Variants in DYNC2H1 observed in about 807,000 individuals in gnomAD.
The protein encoded by DYNC2H1 is cytoplasmic dynein 2 heavy chain 1.
A neutral mutation model predicts 570.0 loss-of-function variants in DYNC2H1; 410 were observed. The ratio of observed to expected loss-of-function variants is 0.72; its 90% CI spans 0.66 to 0.78. The LOEUF (loss-of-function observed/expected upper bound fraction) is 0.78, where lower values mean the gene tolerates loss of function less well. Among genes scored for constraint, DYNC2H1 ranks in the 30% least tolerant of loss-of-function variants. The probability of loss-of-function intolerance (pLI) is 0.00; values close to 1 mark genes in which losing one functional copy is unlikely to be tolerated. For missense variants in DYNC2H1, 4,865 were observed against 5,046.4 expected (o/e 0.96, Z 1.09); for synonymous variants, 1,688 against 1,677.6 (o/e 1.01, Z -0.15).
chr11:103,194,298 C>T (rs1565384975), intron 47 of DYNC2H1, among the ~76,000 whole-genome samples: 1 of 151,966 alleles, frequency 6.6e-6, no homozygotes, highest in East Asian at 1.9e-4. Flanking sequence ...ATATACCACT[C>T]TTTTTTTAAC....
At chr11:103,236,332 G>A (rs1380592513) in intron 62 of DYNC2H1, 98 bp from the exon 63 acceptor site, 5 of 779,520 alleles carry the variant, frequency 6.4e-6, no homozygotes, top group Non-Finnish European at 1.1e-5. Context: ...AGTAAGGACT[G>A]TCATAGGACT....
intron 83 of DYNC2H1, among the ~76,000 whole-genome samples, chr11:103,360,963 C>A (rs938034269): frequency 3.3e-5 from 5 of 152,010 alleles, no homozygotes; most frequent in Non-Finnish European, 7.4e-5. Context: ...GAGAAGCTAG[C>A]CAGACAGAGT....
Position 103,133,507 on chromosome 11 carries a change from G to GAAAAAA in DYNC2H1, c.1954-47_1954-42dup. ...TTGATATAGAATATTGAAACTTTTG[G>GAAAAAA]AAAAAAGAAATACTTATACATACTA... On this transcript the variant is annotated intron_variant, in intron 13 of 88. Coordinates refer to ENST00000375735, the MANE Select transcript of DYNC2H1 (RefSeq NM_001377.3). The surrounding 1 kb of genome is among the most constrained non-coding windows in gnomAD (Gnocchi z 4.8). The GAAAAAA allele has an allele frequency of 6.5e-7, 1 of 1,526,720 alleles. No homozygotes were observed. The highest frequency in any genetic ancestry group is 8.8e-7 in the Non-Finnish European group (1 of 1,142,612). The allele number at this position is 1,526,720 out of a possible 1,614,324, so 94.6% of individuals were successfully genotyped here. A position where few individuals can be genotyped will look rare whatever the true frequency, so the allele number is the denominator to read the frequency against.
chr11:103,309,616 T>C (rs578132517), intron 78 of DYNC2H1, among the ~76,000 whole-genome samples: 1 of 152,110 alleles, frequency 6.6e-6, no homozygotes, highest in Non-Finnish European at 1.5e-5. Flanking sequence ...ATTAGAAATA[T>C]TTTAATTGAA....
chr11:103,204,952 C>T lies in DYNC2H1; in HGVS notation c.8442C>T (p.Ser2814=). The change falls in exon 52 of 89, where the codon AGC becomes AGT. Residue 2814 remains serine (S), a synonymous_variant. Transcript: ENST00000375735. This position sits in a 1 kb window ranked among gnomAD's most constrained non-coding sequence, Gnocchi z 4.1. ...QVLWMEGWSN[S]SMKKIPEMLF... ...TGTGGATGGAGGGTTGGTCCAATAG[C>T]AGTATGAAGAAAGTAAGTTTAACAA... The T allele has an allele frequency of 6.3e-7, 1 of 1,579,230 alleles. No individual in the cohort carries two copies. Among genetic ancestry groups the T allele is most frequent in the South Asian group, 1.2e-5 (1 of 85,340 alleles).
chr11:103,248,937 A>G (rs1336604533), intron 65 of DYNC2H1, among the ~76,000 whole-genome samples: 2 of 152,056 alleles, frequency 1.3e-5, no homozygotes, highest in East Asian at 3.8e-4. Context: ...TCAGAAAACA[A>G]TAGCCATGTA....
rs915394318 is a variant in DYNC2H1, at chr11:103,203,302, G to A, written c.8198-361G>A. ...CATCTTGAAGGATAAGAATTTATTG[G>A]GTATCAAGATAAGGGGCAGAGGATG... On this transcript the variant is annotated intron_variant, in intron 50 of 88. Transcript: ENST00000375735. The surrounding 1 kb of genome is among the most constrained non-coding windows in gnomAD (Gnocchi z 4.7). 8.5e-5 allele frequency among the ~76,000 whole-genome samples: 13 copies of A among 152,096 alleles called. No homozygotes were observed. Among genetic ancestry groups the A allele is most frequent in the Non-Finnish European group, 1.5e-4 (10 of 67,992 alleles).
intron 70 of DYNC2H1, among the ~76,000 whole-genome samples, chr11:103,263,592 A>G (rs1865398043): frequency 6.6e-6 from 1 of 152,210 alleles, no homozygotes; most frequent in Admixed American, 6.5e-5. Context: ...GAAACTGAAC[A>G]ACCTGCTTCT....
Position 103,241,985 on chromosome 11 carries a change from T to C in DYNC2H1, c.9820-1708T>C, listed in dbSNP as rs981259000. On this transcript the variant is annotated intron_variant, in intron 63 of 88. Coordinates refer to ENST00000375735, the MANE Select transcript of DYNC2H1 (RefSeq NM_001377.3). The surrounding 1 kb of genome is among the most constrained non-coding windows in gnomAD (Gnocchi z 5.1). ...CGTCCACAGGGCAGATAATTCCCAC[T>C]ATCTCCCTCCCTCTTGGTGTGCCAC... 3.3e-5 allele frequency among the ~76,000 whole-genome samples: 5 copies of C among 152,034 alleles called. No homozygotes were observed. Among genetic ancestry groups the C allele is most frequent in the African/African-American group, 1.2e-4 (5 of 41,388 alleles).
At chr11:103,176,824 G>A (rs113031040) in intron 37 of DYNC2H1, among the ~76,000 whole-genome samples, 4 of 151,992 alleles carry the variant, frequency 2.6e-5, no homozygotes, top group Non-Finnish European at 5.9e-5. Flanking sequence ...TCCTGCCTCA[G>A]CCTCCTGAAT....
rs1859150972 is a variant in DYNC2H1, at chr11:103,129,347, T to C, written c.1953+342T>C. Among the ~76,000 whole-genome samples the C allele has an allele frequency of 6.6e-6, 1 of 151,894 alleles. No homozygotes were observed. The highest frequency in any genetic ancestry group is 6.6e-5 in the Admixed American group (1 of 15,260). On this transcript the variant is annotated intron_variant, in intron 13 of 88. Coordinates refer to ENST00000375735, the MANE Select transcript of DYNC2H1 (RefSeq NM_001377.3). This position sits in a 1 kb window ranked among gnomAD's most constrained non-coding sequence, Gnocchi z 4.1. ...CACCTCCCAATTTTGTAATGTAATATTTTTTTCCTTTTTATTTGTGGTTAT... is the reference window on the plus strand; with the variant it reads ...CACCTCCCAATTTTGTAATGTAATACTTTTTTCCTTTTTATTTGTGGTTAT...
At chr11:103,346,849 A>G (rs1162266247) in intron 82 of DYNC2H1, among the ~76,000 whole-genome samples, 1 of 152,202 alleles carries the variant, frequency 6.6e-6, no homozygotes, top group Non-Finnish European at 1.5e-5. Context: ...TCATTATTTC[A>G]CAAACTCTAA....
intron 85 of DYNC2H1, among the ~76,000 whole-genome samples, chr11:103,448,273 T>A (rs1944492323): frequency 6.6e-6 from 1 of 152,156 alleles, no homozygotes; most frequent in South Asian, 2.1e-4. Flanking sequence ...TGTGTGTGTA[T>A]GTTCTTCCAC....
chr11:103,389,945 G>A lies in DYNC2H1; in HGVS notation c.12157-9718G>A, dbSNP rs55748604. On this transcript the variant is annotated intron_variant, in intron 83 of 88. Coordinates refer to ENST00000375735, the MANE Select transcript of DYNC2H1 (RefSeq NM_001377.3). ...TGTGGTCAATTTTGGAATAGGTGTG[G>A]TGTGGTGCTGAGAAGAATGTATATT... Among the ~76,000 whole-genome samples the A allele has an allele frequency of 9.8e-3, 1,476 of 150,372 alleles. 12 individuals are homozygous for A. The highest frequency in any genetic ancestry group is 0.015 in the Non-Finnish European group (995 of 66,610).
intron 78 of DYNC2H1, among the ~76,000 whole-genome samples, chr11:103,311,489 G>A (rs1867584590): frequency 1.3e-5 from 2 of 151,954 alleles, no homozygotes; most frequent in African/African-American, 4.8e-5. Context: ...AATTCAAATA[G>A]CAACTAGTAA....
At chr11:103,202,226 T>G (rs1448930326) in intron 50 of DYNC2H1, among the ~76,000 whole-genome samples, 1 of 151,942 alleles carries the variant, frequency 6.6e-6, no homozygotes, top group East Asian at 1.9e-4. Context: ...AATACATTCC[T>G]GCGTATTGCT....
rs1237728571 is a variant in DYNC2H1 at position 103,245,227 on chromosome 11, A to G, written c.9919-24A>G. 6.8e-7 allele frequency: 1 copy of G among 1,464,020 alleles called. No individual in the cohort carries two copies. The highest frequency in any genetic ancestry group is 2.5e-5 in the East Asian group (1 of 40,034). 90.7% of individuals were successfully genotyped at this position (1,464,020 alleles called of 1,614,324 possible). A position where few individuals can be genotyped will look rare whatever the true frequency, so the allele number is the denominator to read the frequency against. On this transcript the variant is annotated intron_variant, in intron 64 of 88. Coordinates refer to ENST00000375735, the MANE Select transcript of DYNC2H1 (RefSeq NM_001377.3). This position sits in a 1 kb window ranked among gnomAD's most constrained non-coding sequence, Gnocchi z 4.5. ...ATATTAAAGTAATTAAATAATTAAT[A>G]CGTATTCTTTTTTATTCAATTAGGA...
In DYNC2H1 at chr11:103,129,079, C is replaced by T; in HGVS notation, c.1953+74C>T. 1 of 1,283,076 alleles carries T rather than the reference C, an allele frequency of 7.8e-7. No individual in the cohort carries two copies. The highest frequency in any genetic ancestry group is 1.5e-5 in the South Asian group (1 of 68,236). The allele number at this position is 1,283,076 out of a possible 1,614,324, so 79.5% of individuals were successfully genotyped here. The stretch of plus-strand genomic sequence containing the variant: ...TTTAATTCTTAATTTTCCGGTGTTC[C>T]CTTCAGCTTAATATATCAAATGATC... On this transcript the variant is annotated intron_variant, in intron 13 of 88. Transcript: ENST00000375735. The surrounding 1 kb of genome is among the most constrained non-coding windows in gnomAD (Gnocchi z 4.1).
Position 103,436,031 on chromosome 11 carries a change from A to C in DYNC2H1, c.12455A>C (p.Gln4152Pro). 6.2e-7 allele frequency: 1 copy of C among 1,611,940 alleles called. No homozygotes were observed. The highest frequency in any genetic ancestry group is 8.5e-7 in the Non-Finnish European group (1 of 1,178,730). The change falls in exon 85 of 89, where the codon CAG (glutamine) becomes CCG (proline). Residue 4152 changes from glutamine to proline, a missense_variant and splice_region_variant. Physicochemically the swap from Gln to Pro is moderately conservative, Grantham distance 76. Transcript: ENST00000375735. The stretch of plus-strand genomic sequence containing the variant: ...CTTGTTGCCCGTGCCCTTGCAATAC[A>C]GGTATGCCTAAATTATTTACTAAGT... ...RGLVARALAI[Q>P]NWVDKAEKQA...
Sources: allele counts gnomAD v4.1 joint callset (sites outside exome capture counted in the v4.1 genomes callset), GRCh38; gene constraint gnomAD v4.1.1; non-coding constraint Gnocchi (gnomAD v3.1); transcripts MANE v1.5; gene names NCBI Gene and HGNC (gene_info 2026-07-23, HGNC 2026-07-21).